The following JAKMIP1 variants were observed in gnomAD, a reference collection of about 807,000 sequenced individuals.
JAKMIP1 encodes the protein janus kinase and microtubule-interacting protein 1.
In JAKMIP1, 33 loss-of-function variants were observed where a neutral mutation model predicts 113.0. That is an observed-to-expected ratio of 0.29 (90% CI 0.22 to 0.39). The LOEUF (loss-of-function observed/expected upper bound fraction) is 0.39, where lower values mean the gene tolerates loss of function less well. Ranked by LOEUF, JAKMIP1 falls within the 10% of genes least tolerant of loss-of-function variation. The pLI is 1.00. For missense variants in JAKMIP1, 813 were observed against 1,080.5 expected, an observed-to-expected ratio of 0.75 and a Z score of 3.47; for synonymous variants, 480 against 459.9, an observed-to-expected ratio of 1.04 and a Z score of -0.56.
chr4:6,027,109 G>A (rs917213405), intron 20 of JAKMIP1, among the ~76,000 whole-genome samples: 4 of 151,846 alleles, frequency 2.6e-5, no homozygotes, highest in African/African-American at 9.7e-5. Flanking sequence ...CTTAACGGGA[G>A]GAAAAATTAA....
In JAKMIP1 at chr4:6,031,402, G is replaced by C. The variant is rs1712633912; in HGVS notation, c.2380-1621C>G. ...ATTGCACTCCAGCCTGGGTGACACA[G>C]AGAGACTCCATCTCAATAAATAAAT... On this transcript the variant is annotated intron_variant, in intron 19 of 20. Transcript: ENST00000409021. The surrounding 1 kb of genome is among the most constrained non-coding windows in gnomAD (Gnocchi z 4.4). Among the ~76,000 whole-genome samples the C allele has an allele frequency of 6.6e-6, 1 of 152,140 alleles. No homozygotes were observed. The highest frequency in any genetic ancestry group is 1.5e-5 in the Non-Finnish European group (1 of 68,034).
In JAKMIP1 at chr4:6,089,532, A is replaced by G. The variant is rs1485522404; in HGVS notation, c.625-3903T>C. On this transcript the variant is annotated intron_variant, in intron 3 of 20. Coordinates refer to ENST00000409021, the MANE Select transcript of JAKMIP1 (RefSeq NM_001099433.2). This position sits in a 1 kb window ranked among gnomAD's most constrained non-coding sequence, Gnocchi z 5.3. The stretch of plus-strand genomic sequence containing the variant: ...GAGGCCCAGAAAGGGGAATGTGCTA[A>G]CACTCTAGTTAGCAGCAGAACCATG... 6.6e-6 allele frequency among the ~76,000 whole-genome samples: 1 copy of G among 152,194 alleles called. No homozygotes were observed. The highest frequency in any genetic ancestry group is 1.5e-5 in the Non-Finnish European group (1 of 68,036).
At chr4:6,085,209 C>T (rs1041618905) in intron 4 of JAKMIP1, among the ~76,000 whole-genome samples, 1 of 152,104 alleles carries the variant, frequency 6.6e-6, no homozygotes, top group South Asian at 2.1e-4. Flanking sequence ...GGTCAGGCCC[C>T]TCCCACCCCG....
rs1553864667 is a variant in JAKMIP1 at position 6,183,478 on chromosome 4, C to CAATCAATCAATCAATAAATA, written c.-148+16774_-148+16775insTATTTATTGATTGATTGATT. Among the ~76,000 whole-genome samples, 4 of 126,670 alleles carry CAATCAATCAATCAATAAATA rather than the reference C, an allele frequency of 3.2e-5. No homozygotes were observed. The highest frequency in any genetic ancestry group is 4.9e-5 in the Non-Finnish European group (3 of 60,864). The allele number at this position is 126,670 out of a possible 152,430, so 83.1% of individuals were successfully genotyped here. ...TGGGTGACAGAGCAAGACTCTGTCT[C>CAATCAATCAATCAATAAATA]AATAAATAAATAAATAAATAAATAA... On this transcript the variant is annotated intron_variant, in intron 1 of 20. Coordinates refer to ENST00000409021, the MANE Select transcript of JAKMIP1 (RefSeq NM_001099433.2). This position sits in a 1 kb window ranked among gnomAD's most constrained non-coding sequence, Gnocchi z 5.3.
At chr4:6,105,450 G>C (rs1422468197) in intron 3 of JAKMIP1, 23 bp downstream of exon 3, 7 of 1,562,294 alleles carry the variant, frequency 4.5e-6, no homozygotes, top group Non-Finnish European at 6.0e-6. Flanking sequence ...GTGCCCGCGG[G>C]CGGGGGAGGG....
intron 1 of JAKMIP1, among the ~76,000 whole-genome samples, chr4:6,190,101 G>A (rs1727084566): frequency 6.6e-6 from 1 of 152,156 alleles, no homozygotes; most frequent in African/African-American, 2.4e-5. Flanking sequence ...CCCCACTCCT[G>A]GGGCCCAAGA....
In JAKMIP1 at chr4:6,051,508, G is replaced by C. The variant is rs552589783; in HGVS notation, c.1807-829C>G. ...ACCCGCCTCGGCCTCCCAAAGTGCT[G>C]GGATTACAGGCGTAAGCCACCTCGC... On this transcript the variant is annotated intron_variant, in intron 13 of 20. Coordinates refer to ENST00000409021, the MANE Select transcript of JAKMIP1 (RefSeq NM_001099433.2). This position sits in a 1 kb window ranked among gnomAD's most constrained non-coding sequence, Gnocchi z 5.0. Among the ~76,000 whole-genome samples, 11 of 152,196 alleles carry C rather than the reference G, an allele frequency of 7.2e-5. No individual in the cohort carries two copies. Among genetic ancestry groups the C allele is most frequent in the Non-Finnish European group, 1.5e-4 (10 of 68,038 alleles).
chr4:6,111,665 G>A (rs939227941), intron 2 of JAKMIP1, among the ~76,000 whole-genome samples: 1 of 152,196 alleles, frequency 6.6e-6, no homozygotes, highest in African/African-American at 2.4e-5. Flanking sequence ...TTGAAACCGG[G>A]TCTGCCTAGA....
At chr4:6,134,210 G>A (rs746609353) in intron 1 of JAKMIP1, among the ~76,000 whole-genome samples, 31 of 152,098 alleles carry the variant, frequency 2.0e-4, no homozygotes, top group South Asian at 2.1e-4. Context: ...CCCGCCTGCC[G>A]CCATGTAAGA....
rs1326694150 is a variant in JAKMIP1 at position 6,129,181 on chromosome 4, A to C, written c.-147-16184T>G. Reference sequence around the variant, plus strand: ...ACATCTACAGAGTTCAGGCAGGAGGACACACGCCATCCAGCCATCAAGGGA... The same window carrying C: ...ACATCTACAGAGTTCAGGCAGGAGGCCACACGCCATCCAGCCATCAAGGGA... On this transcript the variant is annotated intron_variant, in intron 1 of 20. Coordinates refer to ENST00000409021, the MANE Select transcript of JAKMIP1 (RefSeq NM_001099433.2). The surrounding 1 kb of genome is among the most constrained non-coding windows in gnomAD (Gnocchi z 5.4). Among the ~76,000 whole-genome samples the C allele has an allele frequency of 2.6e-5, 4 of 152,156 alleles. No individual in the cohort carries two copies. The highest frequency in any genetic ancestry group is 5.9e-5 in the Non-Finnish European group (4 of 68,024).
rs1347240827 is a variant in JAKMIP1 at position 6,181,002 on chromosome 4, C to A, written c.-148+19251G>T. On this transcript the variant is annotated intron_variant, in intron 1 of 20. Transcript: ENST00000409021. The surrounding 1 kb of genome is among the most constrained non-coding windows in gnomAD (Gnocchi z 5.4). Reference sequence around the variant, plus strand: ...CAGCCATCAGGTCGTTTCTGTCTCACCTCTGCTGAAATGAGTCAAGAGACT... The same window carrying A: ...CAGCCATCAGGTCGTTTCTGTCTCAACTCTGCTGAAATGAGTCAAGAGACT... Among the ~76,000 whole-genome samples the A allele has an allele frequency of 6.6e-6, 1 of 152,096 alleles. No individual in the cohort carries two copies. Among genetic ancestry groups the A allele is most frequent in the Non-Finnish European group, 1.5e-5 (1 of 68,012 alleles).
At chr4:6,124,003 G>A (rs1717064674) in intron 1 of JAKMIP1, among the ~76,000 whole-genome samples, 1 of 152,204 alleles carries the variant, frequency 6.6e-6, no homozygotes, top group South Asian at 2.1e-4. Context: ...TGTCAACCAA[G>A]TTAGGTTTTC....
In JAKMIP1 at chr4:6,069,636, C is replaced by T. The variant is rs56778372; in HGVS notation, c.1303-4628G>A. Among the ~76,000 whole-genome samples the T allele has an allele frequency of 3.7e-4, 57 of 152,040 alleles. No homozygotes were observed. In the East Asian group the frequency reaches 0.01, roughly 27 times the overall value. On this transcript the variant is annotated intron_variant, in intron 8 of 20. Coordinates refer to ENST00000409021, the MANE Select transcript of JAKMIP1 (RefSeq NM_001099433.2). This position sits in a 1 kb window ranked among gnomAD's most constrained non-coding sequence, Gnocchi z 4.5. Reference sequence around the variant, plus strand: ...AGTATGGTGGCTGACGCCTGTAGTCCCAGCTACTTGGGAGGCTGAGGTGGA... The same window carrying T: ...AGTATGGTGGCTGACGCCTGTAGTCTCAGCTACTTGGGAGGCTGAGGTGGA...
chr4:6,106,039 G>A lies in JAKMIP1; in HGVS notation c.130-72C>T, dbSNP rs1713887780. ...CAGGGTCAGGGTCAGGGTCACAGCT[G>A]GGGGAGCTGGCCACAGCCTCCCCAC... On this transcript the variant is annotated intron_variant, in intron 2 of 20. Coordinates refer to ENST00000409021, the MANE Select transcript of JAKMIP1 (RefSeq NM_001099433.2). The surrounding 1 kb of genome is among the most constrained non-coding windows in gnomAD (Gnocchi z 5.9). The A allele has an allele frequency of 9.6e-7, 1 of 1,047,070 alleles. No individual in the cohort carries two copies. 64.9% of individuals were successfully genotyped at this position (1,047,070 alleles called of 1,614,324 possible).
chr4:6,120,002 G>A (rs1716465800), intron 1 of JAKMIP1, among the ~76,000 whole-genome samples: 1 of 152,152 alleles, frequency 6.6e-6, no homozygotes, highest in African/African-American at 2.4e-5. Flanking sequence ...AATAATATCT[G>A]ATAAGCAGAA....
intron 1 of JAKMIP1, among the ~76,000 whole-genome samples, chr4:6,170,010 C>CACCACATTCCCATCACCA (rs1724198084): frequency 7.9e-6 from 1 of 127,074 alleles, no homozygotes; most frequent in Non-Finnish European, 1.7e-5. Flanking sequence ...CCACCACCAC[C>CACCACATTCCCATCACCA]CTCACCACCA....
intron 11 of JAKMIP1, among the ~76,000 whole-genome samples, chr4:6,058,562 G>C (rs1321310315): frequency 6.6e-6 from 1 of 152,202 alleles, no homozygotes; most frequent in Non-Finnish European, 1.5e-5. Context: ...ATCTAGAAAA[G>C]TTTTAAGTTA....
chr4:6,092,709 C>A (rs1490016334), intron 3 of JAKMIP1, among the ~76,000 whole-genome samples: 1 of 152,150 alleles, frequency 6.6e-6, no homozygotes, highest in African/African-American at 2.4e-5. Flanking sequence ...GAATAGAAAA[C>A]CTTTTCAGTG....
chr4:6,045,492 C>T (rs190734553), intron 16 of JAKMIP1, among the ~76,000 whole-genome samples: 1 of 152,272 alleles, frequency 6.6e-6, no homozygotes, highest in African/African-American at 2.4e-5. Flanking sequence ...AAAGCATGTG[C>T]CCAGGGCAAG....
Sources: gnomAD v4.1 joint callset for allele counts (sites outside exome capture counted in the v4.1 genomes callset) on GRCh38, gnomAD v4.1.1 for gene constraint, Gnocchi (gnomAD v3.1) non-coding constraint, MANE v1.5 for transcripts, NCBI Gene and HGNC (gene_info 2026-07-23, HGNC 2026-07-21) for gene names.